SRGAP1: variants seen among roughly 807,000 people sequenced by gnomAD.
SRGAP1 encodes SLIT-ROBO Rho GTPase-activating protein 1.
A neutral mutation model predicts 121.9 loss-of-function variants in SRGAP1; 43 were observed. The ratio of observed to expected loss-of-function variants is 0.35; its 90% CI spans 0.28 to 0.46. The LOEUF (loss-of-function observed/expected upper bound fraction) is 0.46. SRGAP1 is among the 20% of genes least tolerant of loss of function. The pLI is 1.00. For synonymous variants in SRGAP1, 447 were observed against 485.4 expected, an observed-to-expected ratio of 0.92 and a Z score of 1.04; for missense variants, 1,102 against 1,350.9, an observed-to-expected ratio of 0.82 and a Z score of 2.89.
chr12:64,142,037 A>G (rs2036973101), intron 21 of SRGAP1, among the ~76,000 whole-genome samples: 1 of 152,208 alleles, frequency 6.6e-6, no homozygotes, highest in South Asian at 2.1e-4. Flanking sequence ...AGAGACCATT[A>G]GAAGGCTACC....
rs57320190 is a variant in SRGAP1, at chr12:64,152,911, T to TAAAAAAA, written c.*10258_*10264dup. The TAAAAAAA allele has an allele frequency of 1.1e-5, 1 of 89,910 alleles. No homozygotes were observed. The allele number at this position is 89,910 out of a possible 1,614,324, so 5.6% of individuals were successfully genotyped here. ...ATGGAGTGTACTTCCTGGTATGATTTAAAAAAAAAAAAAAAAAAAAAAAAA... is the reference window on the plus strand; with the variant it reads ...ATGGAGTGTACTTCCTGGTATGATTTAAAAAAAAAAAAAAAAAAAAAAAAAAAAAAAA... On this transcript the variant is annotated 3_prime_UTR_variant, in exon 22 of 22. Transcript: ENST00000355086.
Position 64,149,251 on chromosome 12 carries a change from C to T in SRGAP1, c.*6579C>T, listed in dbSNP as rs570121258. 3.9e-5 allele frequency: 6 copies of T among 152,314 alleles called. No homozygotes were observed. Among genetic ancestry groups the T allele is most frequent in the African/African-American group, 9.6e-5 (4 of 41,562 alleles). 9.4% of individuals were successfully genotyped at this position (152,314 alleles called of 1,614,324 possible). A position where few individuals can be genotyped will look rare whatever the true frequency, so the allele number is the denominator to read the frequency against. The stretch of plus-strand genomic sequence containing the variant: ...ACTAACCTGTTGACCGGAAGGCCTA[C>T]TCAAAGGCAAGGATACTTTTCTTTC... On this transcript the variant is annotated 3_prime_UTR_variant, in exon 22 of 22. Coordinates refer to ENST00000355086, the MANE Select transcript of SRGAP1 (RefSeq NM_020762.4).
intron 1 of SRGAP1, among the ~76,000 whole-genome samples, chr12:63,970,102 T>C (rs1198807395): frequency 2.6e-5 from 4 of 152,164 alleles, no homozygotes; most frequent in Non-Finnish European, 5.9e-5. Context: ...TGTTTTCATC[T>C]CTTTACTACT....
intron 3 of SRGAP1, among the ~76,000 whole-genome samples, chr12:63,998,563 C>T (rs548515197): frequency 1.2e-4 from 19 of 152,238 alleles, no homozygotes; most frequent in Admixed American, 8.5e-4. Context: ...TGAAATTCAC[C>T]GGAAGGTTCA....
chr12:63,967,500 GAT>G (rs2032823023), intron 1 of SRGAP1, among the ~76,000 whole-genome samples: 1 of 152,180 alleles, frequency 6.6e-6, no homozygotes. Flanking sequence ...GTTGGCATTC[GAT>G]ACATTTTTGT....
chr12:63,847,210 C>T (rs1434323988), intron 1 of SRGAP1, among the ~76,000 whole-genome samples: 1 of 151,960 alleles, frequency 6.6e-6, no homozygotes, highest in Non-Finnish European at 1.5e-5. Context: ...GTGGCACACA[C>T]CTGTGGTCCC....
Position 64,142,731 on chromosome 12 carries a change from C to A in SRGAP1, c.*59C>A, listed in dbSNP as rs1006241815. ...CTTAAAAAAGAAAATGGATTAGTGA[C>A]AAAAGTCACTGATCCATAACTTTCC... On this transcript the variant is annotated 3_prime_UTR_variant, in exon 22 of 22. Coordinates refer to ENST00000355086, the MANE Select transcript of SRGAP1 (RefSeq NM_020762.4). 4.1e-5 allele frequency: 63 copies of A among 1,546,062 alleles called. No homozygotes were observed. Among genetic ancestry groups the A allele is most frequent in the Non-Finnish European group, 1.0e-5 (12 of 1,147,440 alleles).
At chr12:63,933,882 A>G (rs899777966) in intron 1 of SRGAP1, among the ~76,000 whole-genome samples, 1 of 152,200 alleles carries the variant, frequency 6.6e-6, no homozygotes, top group Non-Finnish European at 1.5e-5. Context: ...TTAGTGTTGC[A>G]TAAGGTAAAA....
At chr12:64,006,598 G>A (rs1373381480) in intron 3 of SRGAP1, among the ~76,000 whole-genome samples, 2 of 152,172 alleles carry the variant, frequency 1.3e-5, no homozygotes, top group East Asian at 1.9e-4. Context: ...GCATTTGAAA[G>A]CATTGGAATG....
chr12:63,873,720 G>A (rs987700987), intron 1 of SRGAP1, among the ~76,000 whole-genome samples: 5 of 151,646 alleles, frequency 3.3e-5, no homozygotes, highest in East Asian at 2.0e-4. Flanking sequence ...CCAGGCTGGA[G>A]TACAGTGGTG....
chr12:64,111,848 T>C lies in SRGAP1; in HGVS notation c.2006T>C (p.Ile669Thr). 1 of 1,614,038 alleles carries C rather than the reference T, an allele frequency of 6.2e-7. No individual in the cohort carries two copies. The highest frequency in any genetic ancestry group is 8.5e-7 in the Non-Finnish European group (1 of 1,179,974). Residue 669 changes from isoleucine to threonine, a missense_variant, in exon 17 of 22, where the codon ATA (isoleucine) becomes ACA (threonine). By Grantham distance (89) the Ile-to-Thr change is moderately conservative. This residue lies in a region of SRGAP1 where 747 missense variants were observed against 929.4 expected (regional missense o/e 0.80). Coordinates refer to ENST00000355086, the MANE Select transcript of SRGAP1 (RefSeq NM_020762.4). ...FGPTLMPVPE[I>T]QDQVSCQAHV... is the part of the protein sequence containing the mutation. ...CCAACATTGATGCCTGTCCCAGAAA[T>C]ACAGGATCAAGTGTCTTGCCAGGCA...
intron 1 of SRGAP1, among the ~76,000 whole-genome samples, chr12:63,912,206 T>C (rs1592939471): frequency 6.6e-6 from 1 of 152,190 alleles, no homozygotes. Context: ...TATTAACTCA[T>C]TTAATCCTCA....
At chr12:63,855,482 T>TTTTG (rs1415894743) in intron 1 of SRGAP1, among the ~76,000 whole-genome samples, 9 of 117,150 alleles carry the variant, frequency 7.7e-5, no homozygotes, top group African/African-American at 2.8e-4. Flanking sequence ...TGTTTTTTTT[T>TTTTG]TTTTTTTTTT....
At chr12:64,016,878 T>A (rs968127456) in intron 3 of SRGAP1, 72 bp from the exon 4 acceptor site, 2 of 823,352 alleles carry the variant, frequency 2.4e-6, no homozygotes, top group African/African-American at 3.4e-5. Context: ...GATACATTCC[T>A]CTATTTTCAG....
chr12:64,123,522 C>T (rs1592343132), intron 18 of SRGAP1, among the ~76,000 whole-genome samples: 3 of 152,084 alleles, frequency 2.0e-5, no homozygotes, highest in African/African-American at 7.2e-5. Context: ...AGTCCCTCCT[C>T]TATGAAGCAG....
intron 3 of SRGAP1, among the ~76,000 whole-genome samples, chr12:64,002,402 G>A (rs1439658461): frequency 2.0e-5 from 3 of 152,102 alleles, no homozygotes; most frequent in Non-Finnish European, 4.4e-5. Context: ...GCTGCCACTT[G>A]GCCTCAGATG....
intron 1 of SRGAP1, among the ~76,000 whole-genome samples, chr12:63,849,501 A>G (rs1410217174): frequency 2.2e-4 from 33 of 152,230 alleles, no homozygotes; most frequent in Admixed American, 2.2e-3. Flanking sequence ...ATTTATCTAC[A>G]TGGAATATGT....
chr12:63,990,102 C>A, intron 3 of SRGAP1, 30 bp downstream of exon 3: 1 of 1,546,746 alleles, frequency 6.5e-7, no homozygotes, highest in Non-Finnish European at 8.7e-7. Flanking sequence ...CCATAGTGTG[C>A]TTTCCAATAA....
chr12:64,071,750 G>A (rs963969956), intron 8 of SRGAP1, among the ~76,000 whole-genome samples: 5 of 152,042 alleles, frequency 3.3e-5, no homozygotes, highest in African/African-American at 4.8e-5. Context: ...TATCATTGCT[G>A]AAAATGAATT....
Sources: allele counts gnomAD v4.1 joint callset (sites outside exome capture counted in the v4.1 genomes callset), GRCh38; gene constraint gnomAD v4.1.1; regional missense constraint gnomAD v4.1.1; transcripts MANE v1.5; gene names NCBI Gene and HGNC (gene_info 2026-07-23, HGNC 2026-07-21).